BANP: variants seen among roughly 807,000 people sequenced by gnomAD.
The protein encoded by BANP is protein BANP.
A neutral mutation model predicts 68.1 loss-of-function variants in BANP; 11 were observed. The ratio of observed to expected loss-of-function variants is 0.16; its 90% confidence interval spans 0.10 to 0.27. The LOEUF is 0.27. Ranked by LOEUF, BANP falls within the 10% of genes least tolerant of loss-of-function variation. The pLI is 1.00. For missense variants in BANP, 504 were observed against 722.7 expected (o/e 0.70, Z 3.47); for synonymous variants, 329 against 303.2 (o/e 1.09, Z -0.88).
At chr16:87,959,382 C>T (rs1198676240) in intron 1 of BANP, among the ~76,000 whole-genome samples, 1 of 152,264 alleles carries the variant, frequency 6.6e-6, no homozygotes, top group Non-Finnish European at 1.5e-5. Context: ...CCTCACGTGC[C>T]ACCCCCTGAC....
At chr16:88,031,820 G>A (rs796596948) in intron 8 of BANP, among the ~76,000 whole-genome samples, 14 of 27,866 alleles carry the variant, frequency 5.0e-4, no homozygotes, top group African/African-American at 1.7e-3. Context: ...GCCCCTCCCC[G>A]TCCCTTCCCC....
chr16:88,001,724 G>A (rs754844557), intron 4 of BANP, among the ~76,000 whole-genome samples: 2 of 151,716 alleles, frequency 1.3e-5, no homozygotes, highest in African/African-American at 2.4e-5. Flanking sequence ...GATTTTGAAC[G>A]TCTCACCAAT....
intron 2 of BANP, among the ~76,000 whole-genome samples, chr16:87,975,605 G>A (rs150025429): frequency 0.015 from 2,075 of 134,336 alleles, 74 homozygotes; most frequent in African/African-American, 0.053. Flanking sequence ...ACCATGTTGT[G>A]TGTGTAATCC....
chr16:87,990,946 T>A (rs191375090), intron 4 of BANP, among the ~76,000 whole-genome samples: 1 of 152,308 alleles, frequency 6.6e-6, no homozygotes, highest in Admixed American at 6.5e-5. Context: ...GTATTTTTAG[T>A]AGAGACGGGG....
intron 2 of BANP, among the ~76,000 whole-genome samples, chr16:87,977,206 A>G (rs547103042): frequency 6.6e-6 from 1 of 152,178 alleles, no homozygotes; most frequent in Non-Finnish European, 1.5e-5. Context: ...CGATGTCAGG[A>G]GATTGAGACC....
intron 1 of BANP, among the ~76,000 whole-genome samples, chr16:87,973,768 A>AAAAAAG: frequency 9.5e-6 from 1 of 104,934 alleles, no homozygotes; most frequent in African/African-American, 3.1e-5. Context: ...AAAAAAAAAA[A>AAAAAAG]AAAAAAGAAA....
intron 1 of BANP, among the ~76,000 whole-genome samples, chr16:87,958,442 C>G (rs72631406): frequency 0.25 from 38,000 of 152,070 alleles, 5,321 homozygotes; most frequent in East Asian, 0.49. Context: ...AGCGTGGAAA[C>G]CACTCTTCTG....
rs535304709 is a variant in BANP at position 87,988,854 on chromosome 16, C to T, written c.362+4595C>T. Among the ~76,000 whole-genome samples, 1,485 of 152,294 alleles carry T rather than the reference C, an allele frequency of 9.8e-3. 19 individuals are homozygous for T. The highest frequency in any genetic ancestry group is 0.033 in the African/African-American group (1,375 of 41,562). ...TCAGAGCCAGCCCAACCCTCAAGGG[C>T]GGGCACAGCCTTGCAGCAGCAGGGG... On this transcript the variant is annotated intron_variant, in intron 4 of 13. Coordinates refer to ENST00000682872, the MANE Select transcript of BANP (RefSeq NM_001386991.1).
chr16:88,035,373 C>G lies in BANP; in HGVS notation c.1251C>G (p.Val417=), dbSNP rs1442594540. Residue 417 remains valine, a synonymous_variant, in exon 10 of 14, where the codon GTC becomes GTG. Transcript: ENST00000682872. The part of the protein sequence containing the change: ...HIAQVPQGEQ[V]QITQDSEGNL... ...CCCAGGTGCCGCAGGGGGAGCAAGTCCAGATCACGCAGGACAGCGAGGTGA... is the reference window on the plus strand; with the variant it reads ...CCCAGGTGCCGCAGGGGGAGCAAGTGCAGATCACGCAGGACAGCGAGGTGA... 2 of 1,611,358 alleles carry G rather than the reference C, an allele frequency of 1.2e-6. No homozygotes were observed. Among genetic ancestry groups the G allele is most frequent in the Non-Finnish European group, 1.7e-6 (2 of 1,179,140 alleles).
intron 11 of BANP, among the ~76,000 whole-genome samples, chr16:88,053,410 A>G (rs1318476387): frequency 4.0e-5 from 6 of 148,978 alleles, no homozygotes; most frequent in South Asian, 2.2e-4. Flanking sequence ...CACCAACACA[A>G]CCACCTTTAC....
At chr16:87,968,551 A>G (rs967199023) in intron 1 of BANP, among the ~76,000 whole-genome samples, 4 of 152,148 alleles carry the variant, frequency 2.6e-5, no homozygotes, top group Admixed American at 6.5e-5. Context: ...TACTCTGGAA[A>G]AAAGAAGGCT....
chr16:88,054,253 A>C (rs1250229835), intron 11 of BANP, among the ~76,000 whole-genome samples: 82 of 89,470 alleles, frequency 9.2e-4, no homozygotes, highest in African/African-American at 1.1e-3. Flanking sequence ...CAACACAGTC[A>C]CCTTCACCAC....
intron 1 of BANP, among the ~76,000 whole-genome samples, chr16:87,953,584 C>G (rs750984711): frequency 1.2e-4 from 18 of 152,206 alleles, no homozygotes; most frequent in Non-Finnish European, 1.9e-4. Flanking sequence ...CCCAACTCTT[C>G]TATCCCCTGG....
intron 11 of BANP, among the ~76,000 whole-genome samples, chr16:88,039,964 TA>T (rs1411777095): frequency 3.3e-5 from 5 of 152,262 alleles, no homozygotes; most frequent in African/African-American, 1.2e-4. Flanking sequence ...TACCACTTTT[TA>T]TGTGAAACAA....
At chr16:88,027,164 G>C (rs1306135314) in intron 7 of BANP, among the ~76,000 whole-genome samples, 1 of 152,248 alleles carries the variant, frequency 6.6e-6, no homozygotes, top group African/African-American at 2.4e-5. Context: ...TGGAAGGTCT[G>C]GGAATCTTGT....
At chr16:87,955,110 G>T (rs918731704) in intron 1 of BANP, among the ~76,000 whole-genome samples, 9 of 152,198 alleles carry the variant, frequency 5.9e-5, no homozygotes, top group Non-Finnish European at 1.0e-4. Flanking sequence ...CAAGCGGGCC[G>T]TCTGCCCTGC....
At chr16:87,968,992 G>A (rs11117324) in intron 1 of BANP, among the ~76,000 whole-genome samples, 102,550 of 152,066 alleles carry the variant, frequency 0.67, 35,384 homozygotes, top group African/African-American at 0.8. Context: ...TAGGTCTTCT[G>A]TATCTTAACC....
At position 88,057,289 on chromosome 16, in the gene BANP, A is replaced by G. The variant is rs11117353; in HGVS notation, c.1312-7978A>G. Among the ~76,000 whole-genome samples the G allele has an allele frequency of 0.19, 28,359 of 152,022 alleles. 3,289 individuals are homozygous for G. Among genetic ancestry groups the G allele is most frequent in the South Asian group, 0.27 (1,304 of 4,808 alleles). Reference sequence around the variant, plus strand: ...TGTTGCTTTGGGTGCCTCTGTGGGGAGCAGCTAATGGATGTGTAGACTCTT... The same window carrying G: ...TGTTGCTTTGGGTGCCTCTGTGGGGGGCAGCTAATGGATGTGTAGACTCTT... On this transcript the variant is annotated intron_variant, in intron 11 of 13. Transcript: ENST00000682872. The surrounding 1 kb of genome is among the most constrained non-coding windows in gnomAD (Gnocchi z 4.6).
At chr16:88,055,228 AG>A (rs1293139718) in intron 11 of BANP, among the ~76,000 whole-genome samples, 2 of 151,992 alleles carry the variant, frequency 1.3e-5, no homozygotes, top group African/African-American at 4.8e-5. Context: ...AAAAGCTAGG[AG>A]GTATTTTGTG....
Sources: allele counts gnomAD v4.1 joint callset (sites outside exome capture counted in the v4.1 genomes callset), GRCh38; gene constraint gnomAD v4.1.1; non-coding constraint Gnocchi (gnomAD v3.1); transcripts MANE v1.5; gene names NCBI Gene and HGNC (gene_info 2026-07-23, HGNC 2026-07-21).